ERV3-1: variants seen among roughly 807,000 people sequenced by gnomAD.
ERV3-1 encodes endogenous retrovirus group 3 member 1 Env polyprotein.
Under a neutral mutation model 24.6 loss-of-function variants are expected in ERV3-1, and 36 were observed. That is an observed-to-expected ratio of 1.47 (90% CI 1.12 to 1.94). ERV3-1 has a LOEUF of 1.94. Among genes scored for constraint, ERV3-1 ranks in the 30% most tolerant of loss-of-function variants. ERV3-1 has a pLI of 0.00. For missense variants in ERV3-1, 578 were observed against 330.9 expected (o/e 1.75, Z -5.79); for synonymous variants, 211 against 122.6 (o/e 1.72, Z -4.76).
intron 1 of ERV3-1, 190 bp downstream of exon 1, chr7:65,006,351 G>T: frequency 1.1e-6 from 1 of 913,922 alleles, no homozygotes; most frequent in South Asian, 1.5e-5. Context: ...GGATGCCCGG[G>T]GTCCGAGCTG....
chr7:64,991,490 T>G lies in ERV3-1; in HGVS notation c.1537A>C (p.Asn513His), dbSNP rs1427618659. ...WGYRTPVYML[N>H]RIIRLQAVLE... is the part of the protein sequence containing the mutation. ...ACTGCCTGCAATCTTATAATGCGGT[T>G]AAGCATGTAAACTGGGGTGCGGTAT... The change falls in exon 2 of 2, where the codon AAC becomes CAC. Residue 513 changes from asparagine (N) to histidine (H), a missense_variant. Physicochemically the swap from Asn to His is moderately conservative, Grantham distance 68. Coordinates refer to ENST00000394323, the MANE Select transcript of ERV3-1 (RefSeq NM_001007253.4). 2 of 704,162 alleles carry G rather than the reference T, an allele frequency of 2.8e-6. No homozygotes were observed. Among genetic ancestry groups the G allele is most frequent in the South Asian group, 1.5e-5 (1 of 67,606 alleles). The allele number at this position is 704,162 out of a possible 1,614,324, so 43.6% of individuals were successfully genotyped here.
rs1186504223 is a variant in ERV3-1 at position 64,992,723 on chromosome 7, C to T, written c.304G>A (p.Asp102Asn). 1.3e-6 allele frequency: 1 copy of T among 766,336 alleles called. No homozygotes were observed. The highest frequency in any genetic ancestry group is 2.4e-6 in the Non-Finnish European group (1 of 417,896). 47.5% of individuals were successfully genotyped at this position (766,336 alleles called of 1,614,324 possible). The change falls in exon 2 of 2, where the codon GAT becomes AAT. Residue 102 changes from aspartate (D) to asparagine (N), a missense_variant. By Grantham distance (23) the Asp-to-Asn change is conservative. Coordinates refer to ENST00000394323, the MANE Select transcript of ERV3-1 (RefSeq NM_001007253.4). ...FEIHVGSKEG[D>N]LLNQTKVFPS... ...AATACCTTGGTTTGGTTTAGAAGAT[C>T]CCCTTCCTTTGACCCGACATGAATT...
At chr7:64,996,152 A>T (rs1188342397) in intron 1 of ERV3-1, among the ~76,000 whole-genome samples, 1 of 152,220 alleles carries the variant, frequency 6.6e-6, no homozygotes. Flanking sequence ...CTTGGTTTAC[A>T]GCATGCAAGC....
chr7:65,002,426 C>G (rs1332873659), intron 1 of ERV3-1, among the ~76,000 whole-genome samples: 2 of 152,200 alleles, frequency 1.3e-5, no homozygotes, highest in Non-Finnish European at 2.9e-5. Context: ...AAGGTTCAAG[C>G]AATTCTCCTG....
chr7:64,994,265 C>T (rs535259532), intron 1 of ERV3-1, among the ~76,000 whole-genome samples: 10 of 152,264 alleles, frequency 6.6e-5, no homozygotes, highest in Admixed American at 5.9e-4. Flanking sequence ...ATAGAAATGG[C>T]GTCCTAGTAG....
chr7:65,003,865 A>T (rs544026026), intron 1 of ERV3-1: 2 of 152,340 alleles, frequency 1.3e-5, no homozygotes, highest in African/African-American at 4.8e-5. Flanking sequence ...TATTCCCTGT[A>T]ACAAATGTAC....
chr7:64,999,136 T>C (rs1786466996), intron 1 of ERV3-1, among the ~76,000 whole-genome samples: 1 of 152,098 alleles, frequency 6.6e-6, no homozygotes. Context: ...TCCTGTAGCG[T>C]GAAGTCCTGG....
Position 64,991,605 on chromosome 7 carries a change from A to G in ERV3-1, c.1422T>C (p.Thr474=), listed in dbSNP as rs377174190. 2.6e-5 allele frequency: 18 copies of G among 703,974 alleles called. No homozygotes were observed. The African/African-American group carries it at 3.1e-4, about 12-fold the overall frequency. The allele number at this position is 703,974 out of a possible 1,614,324, so 43.6% of individuals were successfully genotyped here. A position where few individuals can be genotyped will look rare whatever the true frequency, so the allele number is the denominator to read the frequency against. Residue 474 remains threonine, a synonymous_variant, in exon 2 of 2, where the codon ACT becomes ACC. Transcript: ENST00000394323. ...ATTCATTGTCCTTCCAATCTCCTAT[A>G]GTTATGCCTCTTTTGCTTTTCCTTT... The part of the protein sequence containing the change: ...ETKRKSKRGI[T]IGDWKDNEWP...
intron 1 of ERV3-1, among the ~76,000 whole-genome samples, chr7:65,001,511 T>C (rs1451149639): frequency 1.3e-5 from 2 of 152,082 alleles, no homozygotes; most frequent in African/African-American, 4.8e-5. Flanking sequence ...CAATGTCTAG[T>C]GGGTATGTTT....
At chr7:65,000,954 C>G (rs1429560647) in intron 1 of ERV3-1, among the ~76,000 whole-genome samples, 5 of 152,148 alleles carry the variant, frequency 3.3e-5, no homozygotes, top group African/African-American at 1.2e-4. Flanking sequence ...AGACCAAATG[C>G]ATGTTCTCAT....
chr7:64,992,351 C>A lies in ERV3-1; in HGVS notation c.676G>T (p.Gly226Cys). The change falls in exon 2 of 2, where the codon GGT becomes TGT. Residue 226 changes from glycine to cysteine, a missense_variant. Physicochemically the swap from Gly to Cys is radical, Grantham distance 159 (BLOSUM62 -3). Coordinates refer to ENST00000394323, the MANE Select transcript of ERV3-1 (RefSeq NM_001007253.4). ...LKAPLGARVS[G>C]EEIGPGAYVY... ...TAGGCTCCTGGGCCAATTTCTTCAC[C>A]GCTGACTCGTGCCCCTAGCGGTGCT... 1.3e-6 allele frequency: 1 copy of A among 766,354 alleles called. No individual in the cohort carries two copies. Among genetic ancestry groups the A allele is most frequent in the African/African-American group, 1.7e-5 (1 of 59,210 alleles). 47.5% of individuals were successfully genotyped at this position (766,354 alleles called of 1,614,324 possible). A position where few individuals can be genotyped will look rare whatever the true frequency, so the allele number is the denominator to read the frequency against.
chr7:65,006,212 T>C, intron 1 of ERV3-1: 1 of 344,948 alleles, frequency 2.9e-6, no homozygotes, highest in Non-Finnish European at 5.4e-6. Flanking sequence ...CTCTGCATCC[T>C]GAGTCAGTAT....
At position 64,991,782 on chromosome 7, in the gene ERV3-1, A is replaced by G. The variant is rs779569863; in HGVS notation, c.1245T>C (p.Ser415=). 2.6e-6 allele frequency: 2 copies of G among 766,190 alleles called. No individual in the cohort carries two copies. The highest frequency in any genetic ancestry group is 1.3e-5 in the South Asian group (1 of 74,608). The allele number at this position is 766,190 out of a possible 1,614,324, so 47.5% of individuals were successfully genotyped here. Residue 415 remains serine (S), a synonymous_variant, in exon 2 of 2, where the codon TCT becomes TCC. Transcript: ENST00000394323. ...LEAPNTWQAP[S]GLYWICGPQA... ...GTGGCCCACAGATCCAGTAGAGGCC[A>G]GAGGGTGCCTGCCAGGTATTTGGAG...
At chr7:65,001,251 G>C (rs1786516064) in intron 1 of ERV3-1, among the ~76,000 whole-genome samples, 1 of 152,206 alleles carries the variant, frequency 6.6e-6, no homozygotes, top group African/African-American at 2.4e-5. Context: ...GCTACAGATA[G>C]TGGTCCAGGT....
At chr7:64,996,523 C>T (rs531335902) in intron 1 of ERV3-1, among the ~76,000 whole-genome samples, 33 of 152,300 alleles carry the variant, frequency 2.2e-4, no homozygotes, top group Non-Finnish European at 4.1e-4. Flanking sequence ...CCTCAGCCTG[C>T]GGGATGGTGA....
intron 1 of ERV3-1, among the ~76,000 whole-genome samples, chr7:64,997,728 A>G (rs745873933): frequency 3.2e-4 from 49 of 152,132 alleles, no homozygotes; most frequent in Non-Finnish European, 6.2e-4. Flanking sequence ...GGTGTTAAAC[A>G]GTGTCAGGAG....
intron 1 of ERV3-1, among the ~76,000 whole-genome samples, chr7:65,001,533 G>A (rs986220306): frequency 6.6e-6 from 1 of 152,198 alleles, no homozygotes. Flanking sequence ...TGAGTGGGTG[G>A]AAATCCTGAG....
At chr7:65,004,356 C>T (rs1443940110) in intron 1 of ERV3-1, 1 of 152,182 alleles carries the variant, frequency 6.6e-6, no homozygotes, top group Non-Finnish European at 1.5e-5. Flanking sequence ...GAGCAAAACT[C>T]CGTCTCAAAA....
intron 1 of ERV3-1, chr7:65,004,528 A>G (rs1393895401): frequency 2.0e-5 from 3 of 152,196 alleles, no homozygotes; most frequent in African/African-American, 4.8e-5. Flanking sequence ...TTTTCTTCTG[A>G]GCCCCACCTC....
Sources: allele counts gnomAD v4.1 joint callset (sites outside exome capture counted in the v4.1 genomes callset), GRCh38; gene constraint gnomAD v4.1.1; transcripts MANE v1.5; gene names NCBI Gene and HGNC (gene_info 2026-07-23, HGNC 2026-07-21).